ARMC9: variants seen among roughly 807,000 people sequenced by gnomAD.
The protein encoded by ARMC9 is lisH domain-containing protein ARMC9.
ARMC9 carries 94 observed loss-of-function variants against 107.0 expected under a neutral mutation model. The ratio of observed to expected loss-of-function variants is 0.88; its 90% CI spans 0.74 to 1.04. ARMC9 has a LOEUF of 1.04. Ranked by LOEUF, ARMC9 falls within the 50% of genes least tolerant of loss-of-function variation. The pLI is 0.00. For missense variants in ARMC9, 942 were observed against 1,030.1 expected, an observed-to-expected ratio of 0.91 and a Z score of 1.17; for synonymous variants, 380 against 396.9, an observed-to-expected ratio of 0.96 and a Z score of 0.51.
chr2:231,272,401 C>T (rs2039411541), intron 13 of ARMC9, among the ~76,000 whole-genome samples: 1 of 152,080 alleles, frequency 6.6e-6, no homozygotes, highest in African/African-American at 2.4e-5. Context: ...CGCCCTGTTG[C>T]CCAGGCTGGT....
intron 14 of ARMC9, among the ~76,000 whole-genome samples, chr2:231,274,588 T>C (rs1210869700): frequency 1.3e-5 from 2 of 152,326 alleles, no homozygotes; most frequent in Admixed American, 6.5e-5. Flanking sequence ...TATGGTAATT[T>C]TTTCAGAGTT....
At position 231,283,278 on chromosome 2, in the gene ARMC9, G is replaced by C. The variant is rs569807796; in HGVS notation, c.1626+1145G>C. Among the ~76,000 whole-genome samples the C allele has an allele frequency of 2.0e-5, 3 of 152,258 alleles. No homozygotes were observed. The South Asian group carries it at 6.2e-4, about 32-fold the overall frequency. On this transcript the variant is annotated intron_variant, in intron 17 of 24. Coordinates refer to ENST00000611582, the MANE Select transcript of ARMC9 (RefSeq NM_001352754.2). The stretch of plus-strand genomic sequence containing the variant: ...ATGTGAGCAAATGGGGCGGAAAAAT[G>C]ATTGAATAAATAATGAAGACATGGT...
In ARMC9 at chr2:231,262,223, G is replaced by A. The variant is rs1331720673; in HGVS notation, c.1027-83G>A. 2.4e-6 allele frequency: 3 copies of A among 1,231,348 alleles called. No homozygotes were observed. In the African/African-American group the frequency reaches 4.5e-5, roughly 18 times the overall value. 76.3% of individuals were successfully genotyped at this position (1,231,348 alleles called of 1,614,324 possible). On this transcript the variant is annotated intron_variant, in intron 11 of 24. Transcript: ENST00000611582. The stretch of plus-strand genomic sequence containing the variant: ...GGTTAAATGTGTAGGTACTGATACT[G>A]CCATCTAAAACACACCTGCTATGAG...
intron 19 of ARMC9, among the ~76,000 whole-genome samples, chr2:231,327,267 T>C (rs1435533282): frequency 6.6e-6 from 1 of 152,188 alleles, no homozygotes; most frequent in Non-Finnish European, 1.5e-5. Flanking sequence ...TTTTTAACTC[T>C]TCTGTTTTTA....
chr2:231,217,300 T>C (rs1263497240), intron 5 of ARMC9, among the ~76,000 whole-genome samples: 1 of 152,180 alleles, frequency 6.6e-6, no homozygotes, highest in Non-Finnish European at 1.5e-5. Flanking sequence ...TTACAGAAAG[T>C]TGGCTGAGCA....
At chr2:231,204,501 C>A (rs1048391006) in intron 1 of ARMC9, among the ~76,000 whole-genome samples, 1 of 152,114 alleles carries the variant, frequency 6.6e-6, no homozygotes, top group Non-Finnish European at 1.5e-5. Flanking sequence ...ACCCCATACC[C>A]GTCTCCTTCA....
In ARMC9 at chr2:231,339,992, C is replaced by T. The variant is rs534614824; in HGVS notation, c.1879-4983C>T. Among the ~76,000 whole-genome samples the T allele has an allele frequency of 3.3e-4, 50 of 152,320 alleles. No individual in the cohort carries two copies. The South Asian group carries it at 0.01, about 32-fold the overall frequency. On this transcript the variant is annotated intron_variant, in intron 20 of 24. Coordinates refer to ENST00000611582, the MANE Select transcript of ARMC9 (RefSeq NM_001352754.2). ...GCAAAATTTTACCTTTCTCCCTTAG[C>T]ATTTTTGGCTGGGCCTGAGAATTAA... is the stretch of plus-strand genomic sequence containing the variant.
At chr2:231,296,301 TTC>T (rs774957781) in intron 19 of ARMC9, 48 bp downstream of exon 19, 4 of 1,458,108 alleles carry the variant, frequency 2.7e-6, no homozygotes, top group Admixed American at 1.8e-5. Context: ...TACCAAACTA[TTC>T]TCTCTTTCCT....
intron 15 of ARMC9, 117 bp downstream of exon 15, chr2:231,276,892 G>A: frequency 2.2e-6 from 3 of 1,371,148 alleles, no homozygotes; most frequent in Admixed American, 5.1e-5. Flanking sequence ...ACTAAAAACA[G>A]AAAAAGGAGT....
chr2:231,241,832 C>T (rs1410108895), intron 9 of ARMC9, among the ~76,000 whole-genome samples: 3 of 152,028 alleles, frequency 2.0e-5, no homozygotes, highest in Admixed American at 6.6e-5. Context: ...GCTGCCTCTC[C>T]GGAGAGGCAG....
rs1272864545 is a variant in ARMC9, at chr2:231,203,639, G to A, written c.-41-2559G>A. Among the ~76,000 whole-genome samples the A allele has an allele frequency of 3.3e-5, 5 of 152,038 alleles. No individual in the cohort carries two copies. The East Asian group carries it at 9.6e-4, about 29-fold the overall frequency. On this transcript the variant is annotated intron_variant, in intron 1 of 24. Transcript: ENST00000611582. The stretch of plus-strand genomic sequence containing the variant: ...GATTGAGCCCAGGAGTTCAAGACCA[G>A]CCTGAGCAATGGTGAAATCCTGTCT...
intron 19 of ARMC9, among the ~76,000 whole-genome samples, chr2:231,318,255 A>AG (rs5839397): frequency 0.17 from 25,108 of 151,918 alleles, 4,887 homozygotes; most frequent in African/African-American, 0.46. Flanking sequence ...CTCCAATCCC[A>AG]GGGTCTCCCC....
chr2:231,310,142 C>A (rs776974864), intron 19 of ARMC9, among the ~76,000 whole-genome samples: 1 of 152,164 alleles, frequency 6.6e-6, no homozygotes, highest in Non-Finnish European at 1.5e-5. Flanking sequence ...GGGCCGGGCG[C>A]GGTGGCTCAC....
chr2:231,317,091 T>C (rs899439421), intron 19 of ARMC9, among the ~76,000 whole-genome samples: 1 of 152,200 alleles, frequency 6.6e-6, no homozygotes, highest in Non-Finnish European at 1.5e-5. Context: ...TTTTGAATAT[T>C]TTTTTTCTTT....
Position 231,362,661 on chromosome 2 carries a change from T to G in ARMC9, c.2261+1778T>G, listed in dbSNP as rs1358081936. On this transcript the variant is annotated intron_variant, in intron 23 of 24. Coordinates refer to ENST00000611582, the MANE Select transcript of ARMC9 (RefSeq NM_001352754.2). The surrounding 1 kb of genome is among the most constrained non-coding windows in gnomAD (Gnocchi z 4.7). ...AGAAGAGGATGGAAGGAGGGAGAAG[T>G]ACAAGTTGTTCCATCTTCCTCTTCC... 6.5e-6 allele frequency: 1 copy of G among 152,750 alleles called. No individual in the cohort carries two copies. The highest frequency in any genetic ancestry group is 1.9e-4 in the East Asian group (1 of 5,172). The allele number at this position is 152,750 out of a possible 1,614,324, so 9.5% of individuals were successfully genotyped here.
chr2:231,333,884 T>C (rs2125561872), intron 20 of ARMC9, among the ~76,000 whole-genome samples: 1 of 152,252 alleles, frequency 6.6e-6, no homozygotes, highest in East Asian at 1.9e-4. Context: ...CCCGGCAAAA[T>C]GCCATGGGGG....
chr2:231,261,990 T>G (rs1360768457), intron 11 of ARMC9, among the ~76,000 whole-genome samples: 1 of 151,856 alleles, frequency 6.6e-6, no homozygotes, highest in African/African-American at 2.4e-5. Context: ...CCCGGCTAAT[T>G]TTTTTGTATT....
chr2:231,334,977 T>C (rs1192569745), intron 20 of ARMC9, among the ~76,000 whole-genome samples: 1 of 152,224 alleles, frequency 6.6e-6, no homozygotes, highest in Non-Finnish European at 1.5e-5. Flanking sequence ...CTTGTTCCGA[T>C]GTACTGGGTA....
rs188309727 is a variant in ARMC9, at chr2:231,229,270, A to G, written c.622+2472A>G. 5.3e-5 allele frequency among the ~76,000 whole-genome samples: 8 copies of G among 152,310 alleles called. No homozygotes were observed. The East Asian group carries it at 1.5e-3, about 29-fold the overall frequency. ...CTGCAGCTAAGGCTGTAATAACCAA[A>G]GGCACAGACATGCCCCCAGTTTAAT... On this transcript the variant is annotated intron_variant, in intron 7 of 24. Transcript: ENST00000611582.
Sources: allele counts gnomAD v4.1 joint callset (sites outside exome capture counted in the v4.1 genomes callset), GRCh38; gene constraint gnomAD v4.1.1; non-coding constraint Gnocchi (gnomAD v3.1); transcripts MANE v1.5; gene names NCBI Gene and HGNC (gene_info 2026-07-23, HGNC 2026-07-21).